The following DSE variants were observed in gnomAD, a reference collection of about 807,000 sequenced individuals.
DSE encodes dermatan sulfate epimerase.
A neutral mutation model predicts 84.4 loss-of-function variants in DSE; 36 were observed. The ratio of observed to expected loss-of-function variants is 0.43; its 90% CI spans 0.33 to 0.56. The LOEUF is 0.56. Ranked by LOEUF, DSE falls within the 20% of genes least tolerant of loss-of-function variation. The probability of loss-of-function intolerance (pLI) is 0.06; values close to 1 mark genes in which losing one functional copy is unlikely to be tolerated. For synonymous variants in DSE, 410 were observed against 430.1 expected (o/e 0.95, Z 0.58); for missense variants, 862 against 1,169.6 (o/e 0.74, Z 3.84).
At chr6:116,414,717 G>T (rs1004341775) in intron 2 of DSE, among the ~76,000 whole-genome samples, 2 of 152,144 alleles carry the variant, frequency 1.3e-5, no homozygotes, top group African/African-American at 4.8e-5. Context: ...CAGCCTGTTT[G>T]CATATTTTAA....
rs773623503 is a variant in DSE, at chr6:116,433,489, G to C, written c.1057G>C (p.Glu353Gln). 7 of 1,563,904 alleles carry C rather than the reference G, an allele frequency of 4.5e-6. No individual in the cohort carries two copies. The African/African-American group carries it at 9.5e-5, about 21-fold the overall frequency. ...ADQIRRNRVV[E>Q]GPGTPSKGQR... Reference sequence around the variant, plus strand: ...CCAAATCAGAAGGAACCGTGTGGTGGAAGGTCCAGGAACACCATCCAAAGG... The same window carrying C: ...CCAAATCAGAAGGAACCGTGTGGTGCAAGGTCCAGGAACACCATCCAAAGG... The change falls in exon 5 of 6, where the codon GAA (glutamate) becomes CAA (glutamine). Residue 353 changes from glutamate (E) to glutamine (Q), a missense_variant. Physicochemically the swap from Glu to Gln is conservative, Grantham distance 29 (BLOSUM62 2). Coordinates refer to ENST00000644252, the MANE Select transcript of DSE (RefSeq NM_013352.4).
chr6:116,414,643 C>G (rs916437374), intron 2 of DSE, among the ~76,000 whole-genome samples: 2 of 152,028 alleles, frequency 1.3e-5, no homozygotes, highest in African/African-American at 4.8e-5. Context: ...AACTCCCGAC[C>G]TCAGGTGATC....
chr6:116,359,074 G>A (rs1481391764), intron 2 of DSE, among the ~76,000 whole-genome samples: 1 of 151,906 alleles, frequency 6.6e-6, no homozygotes, highest in Middle Eastern at 3.2e-3. Flanking sequence ...CTTTTTTAAT[G>A]AAATAGACTG....
chr6:116,304,636 G>T (rs1775237357), intron 2 of DSE, among the ~76,000 whole-genome samples: 1 of 152,206 alleles, frequency 6.6e-6, no homozygotes, highest in African/African-American at 2.4e-5. Flanking sequence ...TTGGGGGATT[G>T]TGGCACTGGT....
intron 1 of DSE, among the ~76,000 whole-genome samples, chr6:116,372,347 A>T (rs1355166627): frequency 2.6e-5 from 4 of 152,194 alleles, no homozygotes; most frequent in Non-Finnish European, 4.4e-5. Flanking sequence ...GGGCGCCTGT[A>T]GTCCCAGCTA....
chr6:116,371,417 CGAT>C (rs1214342450), intron 1 of DSE, among the ~76,000 whole-genome samples: 1 of 152,234 alleles, frequency 6.6e-6, no homozygotes. Context: ...GCCGGGAACA[CGAT>C]GAGAACCTGG....
At chr6:116,419,334 G>A (rs903401673) in intron 2 of DSE, among the ~76,000 whole-genome samples, 3 of 152,110 alleles carry the variant, frequency 2.0e-5, no homozygotes, top group African/African-American at 7.2e-5. Context: ...ATTTAAAATG[G>A]AGGGAAAAAA....
intron 2 of DSE, among the ~76,000 whole-genome samples, chr6:116,293,415 G>A (rs1474256302): frequency 6.6e-6 from 1 of 152,028 alleles, no homozygotes; most frequent in African/African-American, 2.4e-5. Context: ...GGGACTACAG[G>A]TGTGCTCCAC....
chr6:116,423,157 A>C (rs928815021), intron 2 of DSE: 9 of 152,250 alleles, frequency 5.9e-5, no homozygotes, highest in Admixed American at 3.3e-4. Flanking sequence ...CAAACCAGGT[A>C]ATACAGTTTC....
intron 2 of DSE, chr6:116,279,563 C>G: frequency 6.2e-7 from 1 of 1,603,110 alleles, no homozygotes; most frequent in Non-Finnish European, 8.5e-7. Context: ...GCCACATGAC[C>G]GCGACCCCCA....
At position 116,315,798 on chromosome 6, in the gene DSE, G is replaced by A. The variant is rs188215163; in HGVS notation, c.-54+56831G>A. Among the ~76,000 whole-genome samples the A allele has an allele frequency of 5.9e-3, 899 of 152,262 alleles. 9 individuals are homozygous for A. The highest frequency in any genetic ancestry group is 0.02 in the African/African-American group (839 of 41,552). On this transcript the variant is annotated intron_variant, in intron 2 of 3. Transcript: ENST00000430252. ...AGGCAGATGAAGAGGTCAGGAGTTC[G>A]AGACCAGCCTGACCAACATGGTGAA... is the stretch of plus-strand genomic sequence containing the variant.
At chr6:116,403,270 A>C (rs1042737009) in intron 2 of DSE, among the ~76,000 whole-genome samples, 1 of 152,166 alleles carries the variant, frequency 6.6e-6, no homozygotes, top group African/African-American at 2.4e-5. Flanking sequence ...AAAGTAACAG[A>C]GTAATTTGAG....
rs553037968 is a variant in DSE, at chr6:116,287,107, A to C, written c.-54+28140A>C. Among the ~76,000 whole-genome samples the C allele has an allele frequency of 8.0e-4, 122 of 152,204 alleles. 3 individuals are homozygous for C. In the South Asian group the frequency reaches 0.025, roughly 31 times the overall value. ...ATTAATCTCTTTGAAAGACTCAAAAAAGTACTGACATCAAAACTTACAATA... is the reference window on the plus strand; with the variant it reads ...ATTAATCTCTTTGAAAGACTCAAAACAGTACTGACATCAAAACTTACAATA... On this transcript the variant is annotated intron_variant, in intron 2 of 3. Transcript: ENST00000430252.
intron 2 of DSE, chr6:116,259,092 T>A: frequency 6.5e-7 from 1 of 1,542,448 alleles, no homozygotes; most frequent in Non-Finnish European, 8.9e-7. Flanking sequence ...CCACTGCTGG[T>A]GCTGCTGTCT....
chr6:116,374,648 T>C (rs1779811304), intron 1 of DSE, among the ~76,000 whole-genome samples: 1 of 152,280 alleles, frequency 6.6e-6, no homozygotes, highest in South Asian at 2.1e-4. Flanking sequence ...AGGGGCTGCA[T>C]CTGGGGAGGG....
chr6:116,292,709 A>G (rs967260150), intron 2 of DSE, among the ~76,000 whole-genome samples: 1 of 152,226 alleles, frequency 6.6e-6, no homozygotes, highest in African/African-American at 2.4e-5. Flanking sequence ...CAGTAAGTAG[A>G]AGAAAGGTTG....
intron 1 of DSE, among the ~76,000 whole-genome samples, 179 bp downstream of exon 1, chr6:116,371,300 G>T (rs2114915198): frequency 6.6e-6 from 1 of 152,308 alleles, no homozygotes; most frequent in African/African-American, 2.4e-5. Flanking sequence ...TGGACTCCGA[G>T]AGAGCGCCTG....
chr6:116,432,987 G>T (rs550373), intron 4 of DSE: 78,758 of 213,612 alleles, frequency 0.37, 15,427 homozygotes, highest in Middle Eastern at 0.48. Flanking sequence ...GTTCATTCCA[G>T]GTTCAGAAAC....
chr6:116,412,861 C>CTA (rs1193788630), intron 2 of DSE: 1 of 151,504 alleles, frequency 6.6e-6, no homozygotes, highest in Non-Finnish European at 1.5e-5. Flanking sequence ...CCTCCCTCCC[C>CTA]CATCTAGTAG....
Sources: gnomAD v4.1 joint callset for allele counts (sites outside exome capture counted in the v4.1 genomes callset) on GRCh38, gnomAD v4.1.1 for gene constraint, MANE v1.5 for transcripts, NCBI Gene and HGNC (gene_info 2026-07-23, HGNC 2026-07-21) for gene names.